The following ZNF521 variants were observed in gnomAD, a reference collection of about 807,000 sequenced individuals.
ZNF521 encodes the protein zinc finger protein 521.
ZNF521 carries 14 observed loss-of-function variants against 105.5 expected under a neutral mutation model. The ratio of observed to expected loss-of-function variants is 0.13; its 90% confidence interval spans 0.09 to 0.21. ZNF521 has a LOEUF of 0.21. Ranked by LOEUF, ZNF521 falls within the 10% of genes least tolerant of loss-of-function variation. The pLI is 1.00. For missense variants in ZNF521, 1,233 were observed against 1,629.7 expected (o/e 0.76, Z 4.19); for synonymous variants, 635 against 606.0 (o/e 1.05, Z -0.70).
At chr18:25,263,420 C>T (rs1011024263) in intron 3 of ZNF521, among the ~76,000 whole-genome samples, 5 of 152,020 alleles carry the variant, frequency 3.3e-5, no homozygotes, top group Middle Eastern at 3.4e-3. Flanking sequence ...TGCAGTGGCA[C>T]GATCTTGGCT....
intron 5 of ZNF521, among the ~76,000 whole-genome samples, chr18:25,141,029 A>C (rs565960522): frequency 1.3e-5 from 2 of 152,278 alleles, no homozygotes; most frequent in East Asian, 3.9e-4. Flanking sequence ...CTTCAAACAG[A>C]CCCATTACAC....
chr18:25,091,780 AGTAG>A (rs1349746426), intron 6 of ZNF521, among the ~76,000 whole-genome samples, 166 bp downstream of exon 6: 6 of 152,202 alleles, frequency 3.9e-5, no homozygotes, highest in Admixed American at 3.3e-4. Flanking sequence ...TGAGCCTTTA[AGTAG>A]GCTGCAATCA....
Position 25,118,823 on chromosome 18 carries a change from A to G in ZNF521, c.3659-26742T>C, listed in dbSNP as rs142445563. Reference sequence around the variant, plus strand: ...CATTATAATGTACTGAACACTAATTAAAAGAAAGATTGTCAGAATGAATAA... The same window carrying G: ...CATTATAATGTACTGAACACTAATTGAAAGAAAGATTGTCAGAATGAATAA... On this transcript the variant is annotated intron_variant, in intron 5 of 7. Coordinates refer to ENST00000361524, the MANE Select transcript of ZNF521 (RefSeq NM_015461.3). 4.2e-3 allele frequency among the ~76,000 whole-genome samples: 641 copies of G among 152,242 alleles called. 5 individuals carry two copies. Among genetic ancestry groups the G allele is most frequent in the African/African-American group, 0.015 (624 of 41,574 alleles).
intron 5 of ZNF521, among the ~76,000 whole-genome samples, chr18:25,170,001 G>A (rs2035418755): frequency 6.6e-6 from 1 of 152,046 alleles, no homozygotes; most frequent in South Asian, 2.1e-4. Flanking sequence ...GATCTAGGGT[G>A]TATTCTTTCC....
At chr18:25,129,262 AATAATTATT>A (rs1322854132) in intron 5 of ZNF521, among the ~76,000 whole-genome samples, 3 of 81,782 alleles carry the variant, frequency 3.7e-5, no homozygotes, top group East Asian at 6.2e-4. Context: ...TAATAATAAT[AATAATTATT>A]ATTATTATTA....
At chr18:25,351,109 C>T in intron 1 of ZNF521, 162 bp from the exon 2 acceptor site, 1 of 267,178 alleles carries the variant, frequency 3.7e-6, no homozygotes. Context: ...GGCTCGCGCT[C>T]GCGCGCGGGG....
chr18:25,204,315 T>G (rs1161042596), intron 4 of ZNF521, among the ~76,000 whole-genome samples: 1 of 152,206 alleles, frequency 6.6e-6, no homozygotes, highest in Non-Finnish European at 1.5e-5. Context: ...AATGTTTTAT[T>G]GAATTCTCTT....
chr18:25,163,012 C>T (rs2035276760), intron 5 of ZNF521, among the ~76,000 whole-genome samples: 1 of 152,068 alleles, frequency 6.6e-6, no homozygotes, highest in South Asian at 2.1e-4. Flanking sequence ...TCCATTGTTC[C>T]ATCTGTATTT....
intron 4 of ZNF521, among the ~76,000 whole-genome samples, chr18:25,222,042 C>A (rs556315468): frequency 6.6e-6 from 1 of 152,126 alleles, no homozygotes; most frequent in East Asian, 1.9e-4. Context: ...AATTAGTGAA[C>A]TTTTGAGGCA....
intron 5 of ZNF521, among the ~76,000 whole-genome samples, chr18:25,113,672 T>C (rs2034241021): frequency 6.7e-6 from 1 of 150,374 alleles, no homozygotes; most frequent in Admixed American, 6.6e-5. Context: ...GGGAATGAGA[T>C]AGCGTGGAGA....
At chr18:25,110,280 C>G (rs2034158376) in intron 5 of ZNF521, among the ~76,000 whole-genome samples, 1 of 152,232 alleles carries the variant, frequency 6.6e-6, no homozygotes, top group Admixed American at 6.5e-5. Flanking sequence ...GTCCGCTCAG[C>G]AGAATGCTAT....
chr18:25,166,732 A>G (rs1433915302), intron 5 of ZNF521, among the ~76,000 whole-genome samples: 1 of 152,224 alleles, frequency 6.6e-6, no homozygotes, highest in Admixed American at 6.5e-5. Context: ...AACATGAATT[A>G]TTATAGAAAA....
chr18:25,139,905 C>T (rs1475918726), intron 5 of ZNF521, among the ~76,000 whole-genome samples: 2 of 152,006 alleles, frequency 1.3e-5, no homozygotes, highest in East Asian at 1.9e-4. Flanking sequence ...AAAGAAATCC[C>T]GAATAACTTC....
chr18:25,290,666 A>G (rs531908675), intron 3 of ZNF521, among the ~76,000 whole-genome samples: 1 of 144,398 alleles, frequency 6.9e-6, no homozygotes, highest in Admixed American at 7.2e-5. Context: ...ACTGGAGTAC[A>G]GTGGTGTGAT....
chr18:25,276,226 T>G (rs1407923796), intron 3 of ZNF521, among the ~76,000 whole-genome samples: 2 of 142,390 alleles, frequency 1.4e-5, no homozygotes, highest in African/African-American at 5.2e-5. Flanking sequence ...TTCCTCCCCC[T>G]CCACCCACCC....
intron 5 of ZNF521, among the ~76,000 whole-genome samples, chr18:25,187,341 T>C (rs970722930): frequency 3.3e-5 from 5 of 152,162 alleles, no homozygotes; most frequent in Non-Finnish European, 7.4e-5. Flanking sequence ...AAGCGTGAAC[T>C]TAAACGATAC....
chr18:25,193,145 A>C (rs367911416), intron 5 of ZNF521, among the ~76,000 whole-genome samples: 18 of 152,198 alleles, frequency 1.2e-4, no homozygotes, highest in East Asian at 9.7e-4. Context: ...GAAAGCACTA[A>C]TGATGCAAGG....
intron 5 of ZNF521, among the ~76,000 whole-genome samples, chr18:25,110,695 A>AAC (rs2144297041): frequency 6.6e-6 from 1 of 152,112 alleles, no homozygotes; most frequent in Admixed American, 6.5e-5. Flanking sequence ...AAAAAAAAAA[A>AAC]AAATTGTGTG....
intron 3 of ZNF521, among the ~76,000 whole-genome samples, chr18:25,314,878 T>C (rs145052187): frequency 1.5e-3 from 230 of 152,376 alleles, no homozygotes; most frequent in Middle Eastern, 6.8e-3. Flanking sequence ...ATGCACTTTA[T>C]ACATTTATCC....
Sources: gnomAD v4.1 joint callset for allele counts (sites outside exome capture counted in the v4.1 genomes callset) on GRCh38, gnomAD v4.1.1 for gene constraint, MANE v1.5 for transcripts, NCBI Gene and HGNC (gene_info 2026-07-23, HGNC 2026-07-21) for gene names.